Variants in CD247 observed in about 807,000 individuals in gnomAD.
CD247 encodes CD247 molecule.
A neutral mutation model predicts 30.0 loss-of-function variants in CD247; 13 were observed. That is an observed-to-expected ratio of 0.43 (90% CI 0.28 to 0.69). CD247 has a LOEUF of 0.69. CD247 is among the 30% of genes least tolerant of loss of function. The pLI is 0.16. For missense variants in CD247, 193 were observed against 212.6 expected, an observed-to-expected ratio of 0.91 and a Z score of 0.57; for synonymous variants, 72 against 80.0, an observed-to-expected ratio of 0.90 and a Z score of 0.53.
chr1:167,431,387 C>G lies in CD247; in HGVS notation c.*294G>C. 1.7e-6 allele frequency: 1 copy of G among 600,054 alleles called. No individual in the cohort carries two copies. The highest frequency in any genetic ancestry group is 2.1e-5 in the South Asian group (1 of 48,486). 37.2% of individuals were successfully genotyped at this position (600,054 alleles called of 1,614,324 possible). ...CAACTCAGCTGTGAGAGGCAGTGCG[C>G]CCGCCTCCCAGGGAGAACGAGGAAC... On this transcript the variant is annotated 3_prime_UTR_variant, in exon 8 of 8. Transcript: ENST00000362089.
At chr1:167,451,238 G>T (rs1333156157) in intron 1 of CD247, among the ~76,000 whole-genome samples, 1 of 152,190 alleles carries the variant, frequency 6.6e-6, no homozygotes, top group African/African-American at 2.4e-5. Flanking sequence ...TACTCTGAAT[G>T]AGATGGGGAA....
chr1:167,463,212 T>G (rs181544648), intron 1 of CD247, among the ~76,000 whole-genome samples: 1 of 152,270 alleles, frequency 6.6e-6, no homozygotes, highest in East Asian at 1.9e-4. Flanking sequence ...GTCCAGGGAA[T>G]TACAGTCAAG....
intron 5 of CD247, 96 bp from the exon 6 acceptor site, chr1:167,434,172 A>G: frequency 8.9e-7 from 1 of 1,119,572 alleles, no homozygotes; most frequent in South Asian, 1.2e-5. Flanking sequence ...CCAAGTTGGC[A>G]GCAGTGGCAG....
chr1:167,494,053 G>C lies in CD247; in HGVS notation c.58+24355C>G, dbSNP rs967650016. 6.6e-6 allele frequency among the ~76,000 whole-genome samples: 1 copy of C among 152,078 alleles called. No individual in the cohort carries two copies. Among genetic ancestry groups the C allele is most frequent in the Non-Finnish European group, 1.5e-5 (1 of 68,034 alleles). On this transcript the variant is annotated intron_variant, in intron 1 of 7. Coordinates refer to ENST00000362089, the MANE Select transcript of CD247 (RefSeq NM_198053.3). This position sits in a 1 kb window ranked among gnomAD's most constrained non-coding sequence, Gnocchi z 7.3. The stretch of plus-strand genomic sequence containing the variant: ...CTGCTGAGTTGGGTGGGGGAGGCTG[G>C]AGGCTGCAAAATGATGACAGAGCTT...
chr1:167,461,796 C>T (rs973615547), intron 1 of CD247, among the ~76,000 whole-genome samples: 44 of 151,704 alleles, frequency 2.9e-4, no homozygotes, highest in Non-Finnish European at 1.5e-5. Flanking sequence ...TGCAGTGAGC[C>T]GAGATCACGC....
At chr1:167,471,207 A>C (rs1394602818) in intron 1 of CD247, among the ~76,000 whole-genome samples, 1 of 152,168 alleles carries the variant, frequency 6.6e-6, no homozygotes, top group Non-Finnish European at 1.5e-5. Flanking sequence ...ACACATGGAA[A>C]CATGTACCCT....
At position 167,430,880 on chromosome 1, in the gene CD247, C is replaced by T; in HGVS notation, c.*801G>A. The T allele has an allele frequency of 2.5e-6, 1 of 398,796 alleles. No individual in the cohort carries two copies. The allele number at this position is 398,796 out of a possible 1,614,324, so 24.7% of individuals were successfully genotyped here. On this transcript the variant is annotated 3_prime_UTR_variant, in exon 8 of 8. Transcript: ENST00000362089. ...GAGGCCTTCACAAAGATGATTTTGTCATTCGCTGAAAGCGTGAAGTGAATC... is the reference window on the plus strand; with the variant it reads ...GAGGCCTTCACAAAGATGATTTTGTTATTCGCTGAAAGCGTGAAGTGAATC...
rs781414075 is a variant in CD247 at position 167,473,125 on chromosome 1, A to ACACC, written c.59-32359_59-32358insGGTG. On this transcript the variant is annotated intron_variant, in intron 1 of 7. Transcript: ENST00000362089. ...CACACACACACACACACACACACAC[A>ACACC]CCCATCTGTAGTCTTACAGGGAGAT... Among the ~76,000 whole-genome samples the ACACC allele has an allele frequency of 4.7e-5, 7 of 150,520 alleles. No homozygotes were observed. In the East Asian group the frequency reaches 5.8e-4, roughly 13 times the overall value.
intron 1 of CD247, among the ~76,000 whole-genome samples, chr1:167,505,765 G>A (rs34360782): frequency 0.022 from 3,338 of 152,356 alleles, 64 homozygotes; most frequent in Non-Finnish European, 0.034. Context: ...TCCTCACTGT[G>A]GGGATGATCC....
intron 1 of CD247, among the ~76,000 whole-genome samples, chr1:167,504,149 C>A (rs1655022259): frequency 6.6e-6 from 1 of 152,208 alleles, no homozygotes; most frequent in Non-Finnish European, 1.5e-5. Flanking sequence ...TGTGCTCCTG[C>A]TAGCCATGGA....
chr1:167,475,527 G>A (rs1332573740), intron 1 of CD247, among the ~76,000 whole-genome samples: 1 of 152,128 alleles, frequency 6.6e-6, no homozygotes, highest in African/African-American at 2.4e-5. Flanking sequence ...TGAAATAGAG[G>A]CTCTAGGCAA....
At chr1:167,431,773 AAG>A in intron 7 of CD247, 27 bp from the exon 8 acceptor site, 2 of 1,607,810 alleles carry the variant, frequency 1.2e-6, no homozygotes, top group South Asian at 2.2e-5. Flanking sequence ...TCAGAAAACA[AAG>A]AGTGGGTCAG....
At chr1:167,497,616 A>G (rs1654743453) in intron 1 of CD247, among the ~76,000 whole-genome samples, 1 of 152,214 alleles carries the variant, frequency 6.6e-6, no homozygotes, top group African/African-American at 2.4e-5. Context: ...AAACAGTATG[A>G]GTTAAAATAA....
chr1:167,455,854 T>C (rs530074233), intron 1 of CD247, among the ~76,000 whole-genome samples: 28 of 152,286 alleles, frequency 1.8e-4, no homozygotes, highest in African/African-American at 6.7e-4. Flanking sequence ...GCCTGGGGCC[T>C]GCCTTCGGTG....
At chr1:167,486,699 C>T (rs768588922) in intron 1 of CD247, among the ~76,000 whole-genome samples, 20 of 152,168 alleles carry the variant, frequency 1.3e-4, no homozygotes, top group Non-Finnish European at 2.8e-4. Context: ...CAGAGAAACC[C>T]CCTGCAACCC....
chr1:167,499,536 GC>G (rs925651532), intron 1 of CD247, among the ~76,000 whole-genome samples: 2 of 152,168 alleles, frequency 1.3e-5, no homozygotes, highest in African/African-American at 4.8e-5. Context: ...TTCAAGAGTG[GC>G]CCCTGGAATT....
At chr1:167,496,287 A>G (rs1194749689) in intron 1 of CD247, among the ~76,000 whole-genome samples, 1 of 152,118 alleles carries the variant, frequency 6.6e-6, no homozygotes, top group Non-Finnish European at 1.5e-5. Flanking sequence ...ATTTCCATTC[A>G]TCAAAGAAGC....
chr1:167,461,668 T>G (rs1168396705), intron 1 of CD247, among the ~76,000 whole-genome samples: 8 of 151,994 alleles, frequency 5.3e-5, no homozygotes, highest in African/African-American at 1.9e-4. Context: ...GCCAATATGG[T>G]GAAACCCCAT....
chr1:167,481,223 G>A (rs1653961118), intron 1 of CD247, among the ~76,000 whole-genome samples: 1 of 152,194 alleles, frequency 6.6e-6, no homozygotes, highest in African/African-American at 2.4e-5. Context: ...AGAGGCAGAA[G>A]TTGCAGTGAG....
Sources: allele counts gnomAD v4.1 joint callset (sites outside exome capture counted in the v4.1 genomes callset), GRCh38; gene constraint gnomAD v4.1.1; non-coding constraint Gnocchi (gnomAD v3.1); transcripts MANE v1.5; gene names NCBI Gene and HGNC (gene_info 2026-07-23, HGNC 2026-07-21).